Variants in NEGR1 observed in about 807,000 individuals in gnomAD.
NEGR1 encodes IgLON family member 4.
In NEGR1, 10 loss-of-function variants were observed where a neutral mutation model predicts 40.9. The observed-to-expected ratio is 0.24, with a 90% CI of 0.15 to 0.42. NEGR1 has a LOEUF of 0.42. Ranked by LOEUF, NEGR1 falls within the 10% of genes least tolerant of loss-of-function variation. The pLI is 1.00. For missense variants in NEGR1, 352 were observed against 438.9 expected, an observed-to-expected ratio of 0.80 and a Z score of 1.77; for synonymous variants, 185 against 166.8, an observed-to-expected ratio of 1.11 and a Z score of -0.84.
intron 2 of NEGR1, among the ~76,000 whole-genome samples, chr1:71,933,701 T>C (rs1037354995): frequency 2.0e-5 from 3 of 152,064 alleles, no homozygotes; most frequent in African/African-American, 7.2e-5. Flanking sequence ...AATGTTATTA[T>C]ATTCTGATAT....
chr1:71,541,063 C>T (rs769071365), intron 6 of NEGR1, among the ~76,000 whole-genome samples: 2 of 151,550 alleles, frequency 1.3e-5, no homozygotes, highest in Non-Finnish European at 3.0e-5. Flanking sequence ...TCCACCCGGC[C>T]CCACCTCCAG....
At chr1:71,878,750 G>A (rs1055873040) in intron 2 of NEGR1, among the ~76,000 whole-genome samples, 1 of 152,116 alleles carries the variant, frequency 6.6e-6, no homozygotes, top group African/African-American at 2.4e-5. Context: ...ATGCACCTAT[G>A]TGTCATCTTG....
At chr1:71,902,025 A>G (rs1262993275) in intron 2 of NEGR1, among the ~76,000 whole-genome samples, 2 of 152,218 alleles carry the variant, frequency 1.3e-5, no homozygotes, top group Non-Finnish European at 2.9e-5. Flanking sequence ...GTGAAAAATA[A>G]AGCATAATGA....
At chr1:72,118,542 G>C (rs1649668296) in intron 1 of NEGR1, among the ~76,000 whole-genome samples, 1 of 151,758 alleles carries the variant, frequency 6.6e-6, no homozygotes, top group South Asian at 2.1e-4. Flanking sequence ...TGTGATCCTG[G>C]AAGACAGTCA....
chr1:71,477,707 A>C (rs927633709), intron 6 of NEGR1, among the ~76,000 whole-genome samples: 2 of 151,986 alleles, frequency 1.3e-5, no homozygotes, highest in Non-Finnish European at 2.9e-5. Flanking sequence ...GTAGAAGGTA[A>C]ATCTCTTGCT....
At chr1:71,417,472 C>T (rs950109755) in intron 6 of NEGR1, among the ~76,000 whole-genome samples, 6 of 152,212 alleles carry the variant, frequency 3.9e-5, no homozygotes, top group African/African-American at 7.2e-5. Flanking sequence ...ACTGAAAAGA[C>T]GAATCTTGTC....
intron 1 of NEGR1, among the ~76,000 whole-genome samples, chr1:72,004,773 AGAATAT>A (rs1258594263): frequency 6.6e-6 from 1 of 152,216 alleles, no homozygotes; most frequent in East Asian, 1.9e-4. Flanking sequence ...GCTTTGACTT[AGAATAT>A]GATATTTAGG....
At chr1:71,978,610 CA>C (rs763353747) in intron 1 of NEGR1, among the ~76,000 whole-genome samples, 1 of 152,090 alleles carries the variant, frequency 6.6e-6, no homozygotes, top group Non-Finnish European at 1.5e-5. Context: ...AAAAAAAGTT[CA>C]ATATCACTGA....
At chr1:71,996,259 C>A (rs1450205345) in intron 1 of NEGR1, among the ~76,000 whole-genome samples, 1 of 152,018 alleles carries the variant, frequency 6.6e-6, no homozygotes, top group Admixed American at 6.6e-5. Context: ...ATGTAATAAA[C>A]AAATATACAC....
intron 1 of NEGR1, among the ~76,000 whole-genome samples, chr1:72,248,916 T>C (rs943909893): frequency 6.6e-6 from 1 of 152,196 alleles, no homozygotes; most frequent in Non-Finnish European, 1.5e-5. Flanking sequence ...TGCATTATTG[T>C]ATTCTATAAT....
At chr1:71,608,144 A>G (rs755450533) in intron 5 of NEGR1, among the ~76,000 whole-genome samples, 1 of 152,180 alleles carries the variant, frequency 6.6e-6, no homozygotes, top group Non-Finnish European at 1.5e-5. Flanking sequence ...GAAATTATTC[A>G]TTACCATGAT....
chr1:71,795,169 G>T lies in NEGR1; in HGVS notation c.410-18872C>A, dbSNP rs1311793431. ...TAATTTGAAAACAAATAAAACTGAAGATACACATATATCACTACAATTTCA... is the reference window on the plus strand; with the variant it reads ...TAATTTGAAAACAAATAAAACTGAATATACACATATATCACTACAATTTCA... On this transcript the variant is annotated intron_variant, in intron 2 of 6. Coordinates refer to ENST00000357731, the MANE Select transcript of NEGR1 (RefSeq NM_173808.3). Among the ~76,000 whole-genome samples, 3 of 151,794 alleles carry T rather than the reference G, an allele frequency of 2.0e-5. No homozygotes were observed. In the East Asian group the frequency reaches 5.8e-4, roughly 29 times the overall value.
At chr1:72,139,200 A>T (rs1650580120) in intron 1 of NEGR1, among the ~76,000 whole-genome samples, 1 of 151,368 alleles carries the variant, frequency 6.6e-6, no homozygotes, top group African/African-American at 2.4e-5. Flanking sequence ...GTAATTTTTT[A>T]GAAAGGGTCT....
chr1:71,944,429 A>T (rs1290122120), intron 1 of NEGR1, among the ~76,000 whole-genome samples: 2 of 152,122 alleles, frequency 1.3e-5, no homozygotes, highest in African/African-American at 2.4e-5. Context: ...CCCTAAATTG[A>T]GGGAATAAAG....
Position 72,003,824 on chromosome 1 carries a change from C to G in NEGR1, c.177-68513G>C, listed in dbSNP as rs1340161596. ...ATGAACGGAACTAAAATGTTTTACT[C>G]TAATTCAGAAACATTATAAATAATT... is the stretch of plus-strand genomic sequence containing the variant. On this transcript the variant is annotated intron_variant, in intron 1 of 6. Coordinates refer to ENST00000357731, the MANE Select transcript of NEGR1 (RefSeq NM_173808.3). Among the ~76,000 whole-genome samples, 3 of 152,068 alleles carry G rather than the reference C, an allele frequency of 2.0e-5. No homozygotes were observed. In the East Asian group the frequency reaches 5.8e-4, roughly 29 times the overall value.
chr1:72,084,101 T>C (rs76859676), intron 1 of NEGR1, among the ~76,000 whole-genome samples: 1 of 151,460 alleles, frequency 6.6e-6, no homozygotes, highest in African/African-American at 2.4e-5. Context: ...CATAGTTTTC[T>C]TTTTTTTTCT....
intron 5 of NEGR1, among the ~76,000 whole-genome samples, chr1:71,610,097 T>A (rs895095748): frequency 6.6e-6 from 1 of 152,202 alleles, no homozygotes; most frequent in Non-Finnish European, 1.5e-5. Context: ...ACCTCTCTCC[T>A]TTATAAGTTA....
intron 1 of NEGR1, among the ~76,000 whole-genome samples, chr1:72,037,720 T>C (rs887709070): frequency 4.6e-5 from 7 of 152,176 alleles, no homozygotes; most frequent in African/African-American, 1.7e-4. Context: ...ATCTGGATCA[T>C]TGCAAACATC....
At chr1:71,712,854 A>G (rs1343538285) in intron 3 of NEGR1, among the ~76,000 whole-genome samples, 1 of 151,970 alleles carries the variant, frequency 6.6e-6, no homozygotes, top group Non-Finnish European at 1.5e-5. Flanking sequence ...TGGCACTTCC[A>G]TCTTAACTCT....
Sources: allele counts gnomAD v4.1 joint callset (sites outside exome capture counted in the v4.1 genomes callset), GRCh38; gene constraint gnomAD v4.1.1; transcripts MANE v1.5; gene names NCBI Gene and HGNC (gene_info 2026-07-23, HGNC 2026-07-21).